GPR55: variants seen among roughly 807,000 people sequenced by gnomAD.
GPR55 encodes G protein-coupled receptor 55.
GPR55 carries 6 observed loss-of-function variants against 7.9 expected under a neutral mutation model. The observed-to-expected ratio is 0.76, with a 90% CI of 0.41 to 1.49. GPR55 has a LOEUF of 1.49. Among genes scored for constraint, GPR55 ranks in the 40% most tolerant of loss-of-function variants. The pLI, the probability that GPR55 is intolerant of heterozygous loss-of-function variation, is 0.01. For synonymous variants in GPR55, 183 were observed against 166.8 expected, an observed-to-expected ratio of 1.10 and a Z score of -0.75; for missense variants, 376 against 406.0, an observed-to-expected ratio of 0.93 and a Z score of 0.63.
In GPR55 at chr2:230,923,413, T is replaced by TC. The variant is rs1375861932; in HGVS notation, c.-135+1754dup. 6.6e-6 allele frequency among the ~76,000 whole-genome samples: 1 copy of TC among 152,042 alleles called. No homozygotes were observed. The highest frequency in any genetic ancestry group is 6.6e-5 in the Admixed American group (1 of 15,260). On this transcript the variant is annotated intron_variant, in intron 1 of 1. Transcript: ENST00000650999. The surrounding 1 kb of genome is among the most constrained non-coding windows in gnomAD (Gnocchi z 4.1). ...ATGGATTTGAGGAGCCCTGGAATAC[T>TC]CCCCCAAAAATGCCGCAGTTAGAAT... is the stretch of plus-strand genomic sequence containing the variant.
At chr2:230,917,306 A>G (rs1309121949) in intron 1 of GPR55, among the ~76,000 whole-genome samples, 1 of 152,240 alleles carries the variant, frequency 6.6e-6, no homozygotes, top group East Asian at 1.9e-4. Flanking sequence ...ACATAGAATT[A>G]TATAAATAAT....
At chr2:230,933,505 C>T (rs1190386297) in intron 1 of GPR55, among the ~76,000 whole-genome samples, 2 of 152,366 alleles carry the variant, frequency 1.3e-5, no homozygotes, top group East Asian at 3.9e-4. Flanking sequence ...AGGGAGCTCT[C>T]AGCCACCTGG....
At chr2:230,947,166 C>A (rs575349209) in intron 1 of GPR55, among the ~76,000 whole-genome samples, 8 of 152,270 alleles carry the variant, frequency 5.3e-5, no homozygotes, top group African/African-American at 1.7e-4. Context: ...GGTGTGGGAA[C>A]CTGCCTGGCT....
chr2:230,920,483 AT>A (rs201088458), intron 1 of GPR55, among the ~76,000 whole-genome samples: 2 of 152,056 alleles, frequency 1.3e-5, no homozygotes, highest in African/African-American at 2.4e-5. Flanking sequence ...CTGATTCATG[AT>A]TTTTTTAAAA....
intron 1 of GPR55, among the ~76,000 whole-genome samples, chr2:230,932,120 G>A (rs754922436): frequency 5.9e-5 from 9 of 152,144 alleles, no homozygotes; most frequent in Admixed American, 1.3e-4. Flanking sequence ...CAAACCAGCC[G>A]CGGTCTGCAC....
chr2:230,938,806 G>C (rs925166257), intron 1 of GPR55, among the ~76,000 whole-genome samples: 2 of 152,204 alleles, frequency 1.3e-5, no homozygotes, highest in Non-Finnish European at 2.9e-5. Flanking sequence ...ATGTCATTTA[G>C]GGCAGGAGAC....
Position 230,916,731 on chromosome 2 carries a change from T to C in GPR55, c.-134-5635A>G, listed in dbSNP as rs75972505. Among the ~76,000 whole-genome samples the C allele has an allele frequency of 8.5e-3, 1,291 of 152,104 alleles. 17 individuals are homozygous for C. The highest frequency in any genetic ancestry group is 0.029 in the African/African-American group (1,223 of 41,502). On this transcript the variant is annotated intron_variant, in intron 1 of 1. Transcript: ENST00000650999. ...TTTTACTTCAATAATTACAGAAATA[T>C]GTGTCAGATTCTTGAAAACCTTAAA... is the stretch of plus-strand genomic sequence containing the variant.
At position 230,924,943 on chromosome 2, in the gene GPR55, G is replaced by A. The variant is rs1332979177; in HGVS notation, c.-135+225C>T. Among the ~76,000 whole-genome samples the A allele has an allele frequency of 2.0e-5, 3 of 152,072 alleles. No individual in the cohort carries two copies. The highest frequency in any genetic ancestry group is 4.4e-5 in the Non-Finnish European group (3 of 68,012). On this transcript the variant is annotated intron_variant, in intron 1 of 1. Transcript: ENST00000650999. This position sits in a 1 kb window ranked among gnomAD's most constrained non-coding sequence, Gnocchi z 4.5. ...TCGTAGAAAAATGTCACTCGTAATC[G>A]GGGACAAACCAGGTCTGCCTGCCGC...
intron 1 of GPR55, among the ~76,000 whole-genome samples, chr2:230,935,948 A>T (rs1304338160): frequency 6.6e-6 from 1 of 152,226 alleles, no homozygotes; most frequent in Non-Finnish European, 1.5e-5. Context: ...TTGGATGCCC[A>T]GCTTGTATAT....
Position 230,935,997 on chromosome 2 carries a change from T to C in GPR55, c.-135+24778A>G, listed in dbSNP as rs184701824. Among the ~76,000 whole-genome samples, 62 of 152,260 alleles carry C rather than the reference T, an allele frequency of 4.1e-4. No individual in the cohort carries two copies. The East Asian group carries it at 9.8e-3, about 24-fold the overall frequency. The stretch of plus-strand genomic sequence containing the variant: ...CAGTATCAGCATGAGGGAGGAAGCT[T>C]GTGAGTTTGTAGGAAATAACATGCA... On this transcript the variant is annotated intron_variant, in intron 1 of 1. Transcript: ENST00000392039.
At chr2:230,933,453 G>A (rs1347355896) in intron 1 of GPR55, among the ~76,000 whole-genome samples, 1 of 152,198 alleles carries the variant, frequency 6.6e-6, no homozygotes, top group Non-Finnish European at 1.5e-5. Flanking sequence ...GTGTGCAGCT[G>A]CTGGGCAGCC....
chr2:230,934,571 C>T (rs1209343985), intron 1 of GPR55, among the ~76,000 whole-genome samples: 2 of 152,174 alleles, frequency 1.3e-5, no homozygotes, highest in Non-Finnish European at 2.9e-5. Context: ...GCTTAGAGCC[C>T]GGCCGCCTCC....
chr2:230,920,913 TA>T (rs963831491), intron 1 of GPR55, among the ~76,000 whole-genome samples: 1 of 151,804 alleles, frequency 6.6e-6, no homozygotes, highest in Non-Finnish European at 1.5e-5. Flanking sequence ...ACCATCAATT[TA>T]AAAAAAACAA....
At chr2:230,929,080 C>T (rs990199321), upstream of GPR55, among the ~76,000 whole-genome samples, 2 of 152,166 alleles carry the variant, frequency 1.3e-5, no homozygotes, top group Non-Finnish European at 2.9e-5. Context: ...TCTCGGACTC[C>T]TGGACTCAAG....
At chr2:230,927,259 C>T (rs1471166649), upstream of GPR55, among the ~76,000 whole-genome samples, 3 of 152,138 alleles carry the variant, frequency 2.0e-5, no homozygotes, top group African/African-American at 4.8e-5. Context: ...AGAGACCACA[C>T]GAGCTGCTCT....
intron 1 of GPR55, among the ~76,000 whole-genome samples, chr2:230,943,073 AGAGAGAGGAGAG>A (rs1691258780): frequency 7.3e-6 from 1 of 137,110 alleles, no homozygotes; most frequent in Admixed American, 7.4e-5. Flanking sequence ...GAGAAAAGAG[AGAGAGAGGAGAG>A]AAAGAGAGAG....
chr2:230,957,692 A>G (rs1280243625), intron 1 of GPR55: 5 of 547,926 alleles, frequency 9.1e-6, no homozygotes, highest in Non-Finnish European at 1.9e-5. Context: ...CCGGGATTCA[A>G]TATTGTATGG....
rs1690500855 is a variant in GPR55, at chr2:230,908,306, T to G, written c.*1697A>C. On this transcript the variant is annotated 3_prime_UTR_variant, in exon 2 of 2. Transcript: ENST00000650999. Reference sequence around the variant, plus strand: ...GCTCTCTTCCTCACCCTTCCCTCCATCCACCTAGGAGGAGGTGTACAGGGT... The same window carrying G: ...GCTCTCTTCCTCACCCTTCCCTCCAGCCACCTAGGAGGAGGTGTACAGGGT... 6.5e-6 allele frequency: 1 copy of G among 152,792 alleles called. No individual in the cohort carries two copies. Among genetic ancestry groups the G allele is most frequent in the African/African-American group, 2.4e-5 (1 of 41,398 alleles). The allele number at this position is 152,792 out of a possible 1,614,324, so 9.5% of individuals were successfully genotyped here.
rs1690557690 is a variant in GPR55 at position 230,910,337 on chromosome 2, A to C, written c.626T>G (p.Leu209Arg). 1 of 1,613,528 alleles carries C rather than the reference A, an allele frequency of 6.2e-7. No homozygotes were observed. The highest frequency in any genetic ancestry group is 8.5e-7 in the Non-Finnish European group (1 of 1,179,826). The change falls in exon 2 of 2, where the codon CTG becomes CGG. Residue 209 changes from leucine (L) to arginine (R), a missense_variant. By Grantham distance (102) the Leu-to-Arg change is moderately radical (BLOSUM62 -2). Transcript: ENST00000650999. The surrounding 1 kb of genome is among the most constrained non-coding windows in gnomAD (Gnocchi z 5.4). ...GTCCTGGGTGTGGTCTCGGCGGCCC[A>C]GCAGGATGTGGATGCTCCTGGAGCA... ...FCCSRSIHIL[L>R]GRRDHTQDWV...
Sources: allele counts gnomAD v4.1 joint callset (sites outside exome capture counted in the v4.1 genomes callset), GRCh38; gene constraint gnomAD v4.1.1; non-coding constraint Gnocchi (gnomAD v3.1); transcripts MANE v1.5; gene names NCBI Gene and HGNC (gene_info 2026-07-23, HGNC 2026-07-21).